The following PARD3B variants were observed in gnomAD, a reference collection of about 807,000 sequenced individuals.
The protein encoded by PARD3B is par-3 family cell polarity regulator beta.
In PARD3B, 103 loss-of-function variants were observed where a neutral mutation model predicts 130.2. That is an observed-to-expected ratio of 0.79 (90% CI 0.67 to 0.93). The LOEUF (loss-of-function observed/expected upper bound fraction) is 0.93. Among genes scored for constraint, PARD3B ranks in the 40% least tolerant of loss-of-function variants. The pLI is 0.00. For synonymous variants in PARD3B, 583 were observed against 553.2 expected (o/e 1.05, Z -0.76); for missense variants, 1,609 against 1,499.2 (o/e 1.07, Z -1.21).
Position 205,546,095 on chromosome 2 carries a change from A to G in PARD3B, c.3181-7229A>G, listed in dbSNP as rs139470725. The stretch of plus-strand genomic sequence containing the variant: ...AGTGAATGAAACTGGGAGAACTCCC[A>G]TGGACTAAAAGCACCTTAATTCAAC... On this transcript the variant is annotated intron_variant, in intron 21 of 22. Coordinates refer to ENST00000406610, the MANE Select transcript of PARD3B (RefSeq NM_001302769.2). 2.8e-4 allele frequency among the ~76,000 whole-genome samples: 42 copies of G among 152,352 alleles called. No homozygotes were observed. In the East Asian group the frequency reaches 4.8e-3, roughly 17 times the overall value.
At chr2:205,046,437 G>A (rs1041361761) in intron 3 of PARD3B, among the ~76,000 whole-genome samples, 1 of 150,724 alleles carries the variant, frequency 6.6e-6, no homozygotes, top group African/African-American at 2.4e-5. Flanking sequence ...TTTGGCATAG[G>A]TTTGTGTCCT....
chr2:205,453,578 T>C (rs72948033), intron 20 of PARD3B, among the ~76,000 whole-genome samples: 2,082 of 152,262 alleles, frequency 0.014, 17 homozygotes, highest in Middle Eastern at 0.031. Context: ...AACTTACCTA[T>C]GGTGACACAG....
intron 3 of PARD3B, among the ~76,000 whole-genome samples, chr2:205,000,122 C>T (rs1397180433): frequency 6.6e-6 from 1 of 151,756 alleles, no homozygotes; most frequent in African/African-American, 2.4e-5. Context: ...GAAACTTTTA[C>T]TGGAATATTA....
chr2:205,347,202 G>C (rs1311275456), intron 18 of PARD3B, among the ~76,000 whole-genome samples: 1 of 152,034 alleles, frequency 6.6e-6, no homozygotes, highest in East Asian at 1.9e-4. Flanking sequence ...CAAATCATTG[G>C]TTCAGAAATG....
chr2:205,040,258 G>A (rs1219934870), intron 3 of PARD3B, among the ~76,000 whole-genome samples: 3 of 152,138 alleles, frequency 2.0e-5, no homozygotes, highest in Admixed American at 6.5e-5. Context: ...CACCACGCCC[G>A]GCTACTTCAG....
At position 205,244,747 on chromosome 2, in the gene PARD3B, G is replaced by A. The variant is rs1453250627; in HGVS notation, c.2141-1031G>A. ...TCTTCCTATATGAGCTTCAGTAATTGTGTCTTTTAAAAACGAATCCGTTTC... is the reference window on the plus strand; with the variant it reads ...TCTTCCTATATGAGCTTCAGTAATTATGTCTTTTAAAAACGAATCCGTTTC... On this transcript the variant is annotated intron_variant, in intron 15 of 22. Transcript: ENST00000406610. This position sits in a 1 kb window ranked among gnomAD's most constrained non-coding sequence, Gnocchi z 4.7. Among the ~76,000 whole-genome samples the A allele has an allele frequency of 1.3e-5, 2 of 152,062 alleles. No individual in the cohort carries two copies. Among genetic ancestry groups the A allele is most frequent in the East Asian group, 3.9e-4 (2 of 5,164 alleles).
At chr2:205,574,813 A>G (rs955115399) in intron 22 of PARD3B, among the ~76,000 whole-genome samples, 2 of 149,650 alleles carry the variant, frequency 1.3e-5, no homozygotes, top group Admixed American at 1.3e-4. Context: ...GTAAGGAGAC[A>G]TGGGGACTTA....
chr2:205,299,293 A>G (rs559811751), intron 16 of PARD3B, among the ~76,000 whole-genome samples: 22 of 152,326 alleles, frequency 1.4e-4, no homozygotes, highest in Non-Finnish European at 2.9e-4. Flanking sequence ...TGATAGTAAT[A>G]AAAGATAGTG....
chr2:205,397,036 A>G lies in PARD3B; in HGVS notation c.2631-3977A>G, dbSNP rs1174237268. 1.3e-5 allele frequency among the ~76,000 whole-genome samples: 2 copies of G among 152,164 alleles called. No homozygotes were observed. Among genetic ancestry groups the G allele is most frequent in the East Asian group, 3.9e-4 (2 of 5,194 alleles). The stretch of plus-strand genomic sequence containing the variant: ...CCCTCACTCTCTCCCCCGGTCCACT[A>G]CTGCCACTACTGATAATTAAGTTGT... On this transcript the variant is annotated intron_variant, in intron 18 of 22. Coordinates refer to ENST00000406610, the MANE Select transcript of PARD3B (RefSeq NM_001302769.2). This position sits in a 1 kb window ranked among gnomAD's most constrained non-coding sequence, Gnocchi z 4.8.
At chr2:205,549,089 A>C (rs1296175412) in intron 21 of PARD3B, among the ~76,000 whole-genome samples, 1 of 152,152 alleles carries the variant, frequency 6.6e-6, no homozygotes, top group African/African-American at 2.4e-5. Flanking sequence ...ACCTATTAGA[A>C]TGGCTACAAT....
chr2:204,877,346 T>A (rs1231432602), intron 2 of PARD3B, among the ~76,000 whole-genome samples: 4 of 151,974 alleles, frequency 2.6e-5, no homozygotes, highest in Non-Finnish European at 5.9e-5. Flanking sequence ...TGTATACATA[T>A]GTAACAAACC....
intron 1 of PARD3B, among the ~76,000 whole-genome samples, chr2:204,580,501 C>T (rs931103671): frequency 6.6e-6 from 1 of 152,176 alleles, no homozygotes; most frequent in Non-Finnish European, 1.5e-5. Context: ...CCGATCCTAT[C>T]ACTTGTTATG....
At chr2:204,796,086 A>C (rs2042364948) in intron 2 of PARD3B, among the ~76,000 whole-genome samples, 1 of 152,220 alleles carries the variant, frequency 6.6e-6, no homozygotes, top group African/African-American at 2.4e-5. Context: ...CTTTAGTCCA[A>C]AAAGATGTTA....
chr2:205,507,238 A>C (rs2050407027), intron 21 of PARD3B, among the ~76,000 whole-genome samples: 2 of 39,808 alleles, frequency 5.0e-5, no homozygotes, highest in Admixed American at 8.3e-4. Flanking sequence ...TTTTTGAGAC[A>C]GAGTCTTGCT....
chr2:205,487,639 A>G (rs1371649430), intron 20 of PARD3B, among the ~76,000 whole-genome samples: 1 of 152,176 alleles, frequency 6.6e-6, no homozygotes, highest in Non-Finnish European at 1.5e-5. Context: ...TTGGGAGAAG[A>G]GAGAACTTCT....
At position 205,176,713 on chromosome 2, in the gene PARD3B, C is replaced by G; in HGVS notation, c.1924+136C>G. 1.0e-6 allele frequency: 1 copy of G among 989,264 alleles called. No homozygotes were observed. The highest frequency in any genetic ancestry group is 1.4e-6 in the Non-Finnish European group (1 of 711,924). 61.3% of individuals were successfully genotyped at this position (989,264 alleles called of 1,614,324 possible). The stretch of plus-strand genomic sequence containing the variant: ...AGACTTTGTTACTCGGAGTCACAAA[C>G]ACTGAGAGAGTTGGGGGAGAGCTGA... On this transcript the variant is annotated intron_variant, in intron 13 of 22. Transcript: ENST00000406610. The surrounding 1 kb of genome is among the most constrained non-coding windows in gnomAD (Gnocchi z 5.3).
Position 205,550,538 on chromosome 2 carries a change from A to G in PARD3B, c.3181-2786A>G, listed in dbSNP as rs2052571130. Among the ~76,000 whole-genome samples, 1 of 152,160 alleles carries G rather than the reference A, an allele frequency of 6.6e-6. No homozygotes were observed. On this transcript the variant is annotated intron_variant, in intron 21 of 22. Transcript: ENST00000406610. The surrounding 1 kb of genome is among the most constrained non-coding windows in gnomAD (Gnocchi z 4.5). ...TGGCCCAAGTTCTGGTACTTCCATG[A>G]AGTTTTTCCTGACACCTCCAGGCCT...
At chr2:205,537,451 C>T (rs372875123) in intron 21 of PARD3B, among the ~76,000 whole-genome samples, 59 of 152,314 alleles carry the variant, frequency 3.9e-4, no homozygotes, top group African/African-American at 1.4e-3. Flanking sequence ...GCTTCCCCTT[C>T]AGACTCTGTA....
intron 13 of PARD3B, among the ~76,000 whole-genome samples, chr2:205,184,962 T>C (rs1211276902): frequency 6.6e-6 from 1 of 152,136 alleles, no homozygotes; most frequent in Admixed American, 6.5e-5. Context: ...TACCACGATG[T>C]TATATAATGC....
Sources: gnomAD v4.1 joint callset for allele counts (sites outside exome capture counted in the v4.1 genomes callset) on GRCh38, gnomAD v4.1.1 for gene constraint, Gnocchi (gnomAD v3.1) non-coding constraint, MANE v1.5 for transcripts, NCBI Gene and HGNC (gene_info 2026-07-23, HGNC 2026-07-21) for gene names.